The following PTPN11 variants were observed in gnomAD, a reference collection of about 807,000 sequenced individuals.
PTPN11 encodes the protein tyrosine-protein phosphatase non-receptor type 11.
PTPN11 carries 6 observed loss-of-function variants against 78.8 expected under a neutral mutation model. The observed-to-expected ratio is 0.08, with a 90% confidence interval of 0.04 to 0.15. The LOEUF is 0.15. Among genes scored for constraint, PTPN11 ranks in the 10% least tolerant of loss-of-function variants. The probability of loss-of-function intolerance (pLI) is 1.00; values close to 1 mark genes in which losing one functional copy is unlikely to be tolerated. For synonymous variants in PTPN11, 221 were observed against 263.5 expected (o/e 0.84, Z 1.56); for missense variants, 386 against 744.8 (o/e 0.52, Z 5.61).
intron 1 of PTPN11, among the ~76,000 whole-genome samples, chr12:112,436,095 A>C (rs1372863780): frequency 2.6e-5 from 4 of 152,200 alleles, no homozygotes; most frequent in Non-Finnish European, 5.9e-5. Flanking sequence ...TTGGCACAGA[A>C]TGTCAAAGAA....
At chr12:112,494,751 T>C (rs537722307) in intron 13 of PTPN11, among the ~76,000 whole-genome samples, 15 of 152,336 alleles carry the variant, frequency 9.8e-5, no homozygotes, top group Admixed American at 3.9e-4. Flanking sequence ...TCTATTTGAG[T>C]TCCCTCTTTC....
intron 1 of PTPN11, among the ~76,000 whole-genome samples, chr12:112,427,733 GT>G (rs1434294653): frequency 6.6e-6 from 1 of 151,410 alleles, no homozygotes; most frequent in East Asian, 1.9e-4. Flanking sequence ...TCCCCTCAGT[GT>G]TTTTTTATTT....
At chr12:112,454,893 C>G in intron 5 of PTPN11, 1 of 592,902 alleles carries the variant, frequency 1.7e-6, no homozygotes, top group Admixed American at 2.4e-5. Flanking sequence ...AATCTTGGCT[C>G]ACTACAACCT....
chr12:112,446,022 T>C (rs367661890), intron 1 of PTPN11, among the ~76,000 whole-genome samples: 10 of 152,200 alleles, frequency 6.6e-5, no homozygotes, highest in South Asian at 2.1e-4. Context: ...CTCAGTGCAC[T>C]GTCTTAATAC....
At chr12:112,424,891 A>ATGTGTGTG (rs1223840459) in intron 1 of PTPN11, among the ~76,000 whole-genome samples, 804 of 80,046 alleles carry the variant, frequency 0.01, 23 homozygotes, top group African/African-American at 0.031. Flanking sequence ...GTGTGTGTGT[A>ATGTGTGTG]TGTGTGTGTG....
At chr12:112,471,043 T>C (rs2038406864) in intron 6 of PTPN11, among the ~76,000 whole-genome samples, 2 of 152,254 alleles carry the variant, frequency 1.3e-5, no homozygotes, top group African/African-American at 4.8e-5. Context: ...ACATTGTTTT[T>C]ATTTTTGTCC....
At chr12:112,424,412 A>T (rs771025572) in intron 1 of PTPN11, among the ~76,000 whole-genome samples, 23 of 152,092 alleles carry the variant, frequency 1.5e-4, no homozygotes, top group Non-Finnish European at 2.6e-4. Flanking sequence ...TCATAGAAGG[A>T]TGTGATCGGG....
intron 14 of PTPN11, among the ~76,000 whole-genome samples, chr12:112,502,585 A>G (rs1022397190): frequency 9.9e-5 from 15 of 152,098 alleles, no homozygotes; most frequent in Non-Finnish European, 1.3e-4. Flanking sequence ...TGTCTCTACT[A>G]AAAATACAAA....
intron 15 of PTPN11, among the ~76,000 whole-genome samples, chr12:112,505,273 C>T (rs2038919540): frequency 6.6e-6 from 1 of 152,194 alleles, no homozygotes; most frequent in Non-Finnish European, 1.5e-5. Context: ...GACATCCCTT[C>T]CAGCTCTGCT....
intron 1 of PTPN11, among the ~76,000 whole-genome samples, chr12:112,426,565 GT>G (rs1016540814): frequency 6.6e-6 from 1 of 151,390 alleles, no homozygotes; most frequent in African/African-American, 2.4e-5. Flanking sequence ...CCAAAACTTT[GT>G]TTTTTTTCCT....
intron 13 of PTPN11, among the ~76,000 whole-genome samples, chr12:112,491,995 C>T (rs1297054127): frequency 6.6e-6 from 1 of 152,222 alleles, no homozygotes; most frequent in East Asian, 1.9e-4. Context: ...GCGTGAGTCA[C>T]CACACCTGGC....
chr12:112,427,860 C>T (rs745739009), intron 1 of PTPN11, among the ~76,000 whole-genome samples: 1 of 152,108 alleles, frequency 6.6e-6, no homozygotes, highest in African/African-American at 2.4e-5. Flanking sequence ...AAGTGATCCT[C>T]TTGCCTCAGC....
intron 1 of PTPN11, among the ~76,000 whole-genome samples, chr12:112,444,411 GGCTCACTGCAACCTCC>G (rs1435274298): frequency 6.6e-6 from 1 of 151,438 alleles, no homozygotes; most frequent in Non-Finnish European, 1.5e-5. Flanking sequence ...GCACGATCTT[GGCTCACTGCAACCTCC>G]GCCTCCCGGG....
intron 14 of PTPN11, among the ~76,000 whole-genome samples, chr12:112,503,386 CTGTT>C (rs2135929785): frequency 6.6e-6 from 1 of 152,282 alleles, no homozygotes; most frequent in African/African-American, 2.4e-5. Context: ...AATCTTCTCT[CTGTT>C]TGCTTTCGAC....
rs397507509 is a variant in PTPN11 at position 112,450,359 on chromosome 12, G to C, written c.179G>C (p.Gly60Ala). ...AVTHIKIQNT[G>A]DYYDLYGGEK... ...ACCCACATCAAGATTCAGAACACTG[G>C]TGATTACTATGACCTGTATGGAGGG... is the stretch of plus-strand genomic sequence containing the variant. Residue 60 changes from glycine to alanine, a missense_variant, in exon 3 of 16, where the codon GGT becomes GCT. Around this residue, in one of 3 missense-constraint regions of PTPN11, gnomAD observed 279 missense variants for 503.3 expected, o/e 0.55. Transcript: ENST00000351677. The C allele has an allele frequency of 6.2e-7, 1 of 1,613,292 alleles. No individual in the cohort carries two copies. The highest frequency in any genetic ancestry group is 8.5e-7 in the Non-Finnish European group (1 of 1,179,290).
chr12:112,454,778 A>G (rs1018028916), intron 5 of PTPN11, 98 bp downstream of exon 5: 6 of 809,210 alleles, frequency 7.4e-6, no homozygotes, highest in Non-Finnish European at 8.5e-6. Context: ...GAATAGTATC[A>G]TCAGCCTCCA....
At chr12:112,505,004 C>T (rs538875903) in intron 15 of PTPN11, among the ~76,000 whole-genome samples, 1 of 152,326 alleles carries the variant, frequency 6.6e-6, no homozygotes, top group East Asian at 1.9e-4. Context: ...AGAATTAATT[C>T]TGCATGAGGC....
At chr12:112,456,209 T>C in intron 6 of PTPN11, 146 bp downstream of exon 6, 1 of 690,134 alleles carries the variant, frequency 1.4e-6, no homozygotes, top group Admixed American at 2.2e-5. Context: ...ACGGAGCAAG[T>C]TGCTGAGAGG....
At chr12:112,498,583 T>C (rs930894862) in intron 13 of PTPN11, among the ~76,000 whole-genome samples, 1 of 152,216 alleles carries the variant, frequency 6.6e-6, no homozygotes, top group Non-Finnish European at 1.5e-5. Flanking sequence ...GATCAATACC[T>C]TCTCTCAATC....
Sources: gnomAD v4.1 joint callset for allele counts (sites outside exome capture counted in the v4.1 genomes callset) on GRCh38, gnomAD v4.1.1 for gene constraint, gnomAD v4.1.1 regional missense constraint, MANE v1.5 for transcripts, NCBI Gene and HGNC (gene_info 2026-07-23, HGNC 2026-07-21) for gene names.